ATG4B: variants seen among roughly 807,000 people sequenced by gnomAD.
ATG4B encodes the protein cysteine protease ATG4B.
In ATG4B, 29 loss-of-function variants were observed where a neutral mutation model predicts 56.6. The observed-to-expected ratio is 0.51, with a 90% CI of 0.38 to 0.70. The LOEUF is 0.70. Among genes scored for constraint, ATG4B ranks in the 30% least tolerant of loss-of-function variants. The probability of loss-of-function intolerance (pLI) is 0.00; values close to 1 mark genes in which losing one functional copy is unlikely to be tolerated. For synonymous variants in ATG4B, 224 were observed against 206.1 expected, an observed-to-expected ratio of 1.09 and a Z score of -0.74; for missense variants, 461 against 515.5, an observed-to-expected ratio of 0.89 and a Z score of 1.02.
chr2:241,654,448 T>C, intron 4 of ATG4B, 98 bp from the exon 5 acceptor site: 1 of 684,436 alleles, frequency 1.5e-6, no homozygotes, highest in Non-Finnish European at 2.4e-6. Flanking sequence ...AAAAAGATTC[T>C]GAAAAAGGTT....
At chr2:241,660,259 G>T (rs1341993012) in intron 7 of ATG4B, among the ~76,000 whole-genome samples, 2 of 152,228 alleles carry the variant, frequency 1.3e-5, no homozygotes, top group East Asian at 3.8e-4. Context: ...GTGGGAGTGG[G>T]TCCTGCCCTG....
At chr2:241,664,976 G>A (rs2068717176) in intron 7 of ATG4B, among the ~76,000 whole-genome samples, 1 of 151,664 alleles carries the variant, frequency 6.6e-6, no homozygotes, top group South Asian at 2.1e-4. Context: ...GAAAAGTCAG[G>A]GGGCACAGTG....
chr2:241,664,120 C>T (rs1281797185), intron 7 of ATG4B, among the ~76,000 whole-genome samples: 1 of 152,008 alleles, frequency 6.6e-6, no homozygotes, highest in South Asian at 2.1e-4. Flanking sequence ...GCCTGGACCT[C>T]ATTCTATAAA....
rs1390567985 is a variant in ATG4B, at chr2:241,654,313, C to T, written c.284-233C>T. Among the ~76,000 whole-genome samples the T allele has an allele frequency of 2.7e-5, 4 of 149,690 alleles. No individual in the cohort carries two copies. In the South Asian group the frequency reaches 8.6e-4, roughly 32 times the overall value. ...ACATGTGCCTGTAGTCCCAGCTACT[C>T]GGGAGGCTGAAGCAGGAGAATCGCT... On this transcript the variant is annotated intron_variant, in intron 4 of 12. Transcript: ENST00000404914.
At chr2:241,667,930 C>T in intron 8 of ATG4B, 1 of 558,180 alleles carries the variant, frequency 1.8e-6, no homozygotes, top group Non-Finnish European at 3.2e-6. Flanking sequence ...CATGAAGCTT[C>T]CCTGAGCTGA....
At chr2:241,653,077 A>G (rs2068270076) in intron 3 of ATG4B, among the ~76,000 whole-genome samples, 1 of 152,172 alleles carries the variant, frequency 6.6e-6, no homozygotes, top group African/African-American at 2.4e-5. Context: ...GGGCCCAGGC[A>G]CCTGTGCTGG....
At chr2:241,648,902 A>G (rs2068145121) in intron 1 of ATG4B, among the ~76,000 whole-genome samples, 1 of 152,224 alleles carries the variant, frequency 6.6e-6, no homozygotes, top group South Asian at 2.1e-4. Context: ...TTTTGGGTAT[A>G]GTAAAATTTG....
intron 6 of ATG4B, among the ~76,000 whole-genome samples, chr2:241,658,478 G>A (rs936069220): frequency 6.6e-6 from 1 of 152,170 alleles, no homozygotes; most frequent in Non-Finnish European, 1.5e-5. Flanking sequence ...GCTGCCTCAG[G>A]GCCTTTTCTA....
chr2:241,653,464 G>A, intron 3 of ATG4B, 48 bp from the exon 4 acceptor site: 1 of 1,552,766 alleles, frequency 6.4e-7, no homozygotes. Flanking sequence ...CTTGTGGCCT[G>A]TGGGGCCATC....
In ATG4B at chr2:241,651,237, GT is replaced by G. The variant is rs199770768; in HGVS notation, c.113-19del. ...CAAACTTAAGGCGTTGTGTGTGTGT[GT>G]TTTTTTTCTTTTAAACAACCTCTAG... is the stretch of plus-strand genomic sequence containing the variant. On this transcript the variant is annotated intron_variant, in intron 2 of 12. Transcript: ENST00000404914. The surrounding 1 kb of genome is among the most constrained non-coding windows in gnomAD (Gnocchi z 4.1). 33 of 1,569,042 alleles carry G rather than the reference GT, an allele frequency of 2.1e-5. No individual in the cohort carries two copies. Among genetic ancestry groups the G allele is most frequent in the Non-Finnish European group, 2.7e-5 (31 of 1,152,404 alleles).
chr2:241,651,396 T>TA lies in ATG4B; in HGVS notation c.184+62dup, dbSNP rs1298549574. The TA allele has an allele frequency of 1.7e-5, 22 of 1,316,914 alleles. No individual in the cohort carries two copies. In the East Asian group the frequency reaches 3.8e-4, roughly 22 times the overall value. 81.6% of individuals were successfully genotyped at this position (1,316,914 alleles called of 1,614,324 possible). On this transcript the variant is annotated intron_variant, in intron 3 of 12. Coordinates refer to ENST00000404914, the MANE Select transcript of ATG4B (RefSeq NM_013325.5). The surrounding 1 kb of genome is among the most constrained non-coding windows in gnomAD (Gnocchi z 4.1). ...TATGTTTTTAGGAAGGAGGAAAACTTACGCTTGTAGATTTGACTTCAATAT... is the reference window on the plus strand; with the variant it reads ...TATGTTTTTAGGAAGGAGGAAAACTTAACGCTTGTAGATTTGACTTCAATAT...
At chr2:241,654,426 A>G in intron 4 of ATG4B, 120 bp from the exon 5 acceptor site, 5 of 659,326 alleles carry the variant, frequency 7.6e-6, no homozygotes, top group Non-Finnish European at 1.2e-5. Context: ...GTTTAAAAAA[A>G]AAAAAAAAAA....
intron 12 of ATG4B, chr2:241,671,717 A>T: frequency 7.6e-7 from 1 of 1,324,390 alleles, no homozygotes; most frequent in South Asian, 1.5e-5. Context: ...GTGGTGACGC[A>T]GTCCTGGGTG....
intron 1 of ATG4B, among the ~76,000 whole-genome samples, chr2:241,648,564 C>T (rs1261561031): frequency 2.0e-5 from 3 of 148,670 alleles, no homozygotes; most frequent in Non-Finnish European, 4.4e-5. Flanking sequence ...CACTGTACTC[C>T]AGCCTGGGTG....
chr2:241,639,373 C>T (rs1191264025), intron 1 of ATG4B, among the ~76,000 whole-genome samples: 2 of 152,222 alleles, frequency 1.3e-5, no homozygotes, highest in Non-Finnish European at 2.9e-5. Context: ...CTCCCATTGC[C>T]CTGCTCCAGG....
chr2:241,639,895 AG>A (rs1471016019), intron 1 of ATG4B, among the ~76,000 whole-genome samples: 2 of 152,196 alleles, frequency 1.3e-5, no homozygotes, highest in Admixed American at 6.5e-5. Context: ...ACAGGAAGAG[AG>A]GTTCGCAATC....
At chr2:241,669,085 C>T (rs1179346195) in intron 10 of ATG4B, among the ~76,000 whole-genome samples, 2 of 131,956 alleles carry the variant, frequency 1.5e-5, no homozygotes, top group African/African-American at 5.1e-5. Context: ...CACGGGCGGC[C>T]CCTCCACCCA....
chr2:241,644,415 C>T (rs919297005), intron 1 of ATG4B, among the ~76,000 whole-genome samples: 4 of 152,172 alleles, frequency 2.6e-5, no homozygotes, highest in Non-Finnish European at 4.4e-5. Flanking sequence ...TGATTGTGAG[C>T]GTTAGTTTTG....
chr2:241,655,373 G>C (rs770138408), intron 6 of ATG4B, 30 bp downstream of exon 6: 9 of 1,584,030 alleles, frequency 5.7e-6, no homozygotes. Flanking sequence ...TGCTGAGCAT[G>C]GGGCAGCAGG....
Sources: allele counts gnomAD v4.1 joint callset (sites outside exome capture counted in the v4.1 genomes callset), GRCh38; gene constraint gnomAD v4.1.1; non-coding constraint Gnocchi (gnomAD v3.1); transcripts MANE v1.5; gene names NCBI Gene and HGNC (gene_info 2026-07-23, HGNC 2026-07-21).